Variants in PDE1C observed in about 807,000 individuals in gnomAD.
PDE1C encodes phosphodiesterase 1C, also known as dual specificity calcium/calmodulin-dependent 3',5'-cyclic nucleotide phosphodiesterase 1C.
PDE1C carries 62 observed loss-of-function variants against 93.1 expected under a neutral mutation model. The observed-to-expected ratio is 0.67, with a 90% CI of 0.54 to 0.82. PDE1C has a LOEUF of 0.82. PDE1C is among the 40% of genes least tolerant of loss of function. PDE1C has a pLI of 0.00. For missense variants in PDE1C, 742 were observed against 884.6 expected (o/e 0.84, Z 2.04); for synonymous variants, 325 against 310.1 (o/e 1.05, Z -0.50).
intron 2 of PDE1C, among the ~76,000 whole-genome samples, chr7:32,196,493 G>T (rs1218974229): frequency 6.7e-6 from 1 of 150,072 alleles, no homozygotes; most frequent in Admixed American, 6.7e-5. Context: ...GTTGTTTCTT[G>T]GGTCCCAAGT....
intron 17 of PDE1C, among the ~76,000 whole-genome samples, chr7:31,767,599 G>A (rs1186302888): frequency 6.6e-6 from 1 of 152,202 alleles, no homozygotes; most frequent in Non-Finnish European, 1.5e-5. Flanking sequence ...CTCAGTCTCA[G>A]GTAGTTCTTT....
At chr7:32,240,490 G>C (rs539478183) in intron 1 of PDE1C, among the ~76,000 whole-genome samples, 1 of 152,284 alleles carries the variant, frequency 6.6e-6, no homozygotes, top group African/African-American at 2.4e-5. Context: ...ATAAAGCAGG[G>C]TTAAGGGTAT....
chr7:31,687,892 A>T, the PDE1C span, among the ~76,000 whole-genome samples: 1 of 152,104 alleles, frequency 6.6e-6, no homozygotes, highest in Non-Finnish European at 1.5e-5. Context: ...ACTTTGGGGG[A>T]TATTCTTCAG....
chr7:31,815,942 C>T lies in PDE1C; in HGVS notation c.1795G>A (p.Gly599Arg). The T allele has an allele frequency of 6.2e-7, 1 of 1,612,736 alleles. No individual in the cohort carries two copies. The highest frequency in any genetic ancestry group is 1.3e-5 in the African/African-American group (1 of 75,008). ...GKNSKAEKSS[G>R]EQQQNGDFKD... is the part of the protein sequence containing the mutation. The stretch of plus-strand genomic sequence containing the variant: ...TACTCACCATTCTGTTGCTGTTCTC[C>T]TGATGACTTCTCGGCTTTGGAGTTT... Residue 599 changes from glycine to arginine, a missense_variant, in exon 15 of 18, where the codon GGA (glycine) becomes AGA (arginine). Gly to Arg is a moderately radical substitution (Grantham distance 125, BLOSUM62 -2). This residue lies in a region of PDE1C where 454 missense variants were observed against 459.4 expected (regional missense o/e 0.99). Transcript: ENST00000396191.
At chr7:32,229,416 C>T (rs1280161413) in intron 1 of PDE1C, among the ~76,000 whole-genome samples, 1 of 152,174 alleles carries the variant, frequency 6.6e-6, no homozygotes, top group African/African-American at 2.4e-5. Context: ...TCAGTAGGGG[C>T]ACCTTTTCCT....
chr7:31,905,093 A>G (rs1469200523), intron 2 of PDE1C, among the ~76,000 whole-genome samples: 1 of 152,160 alleles, frequency 6.6e-6, no homozygotes, highest in African/African-American at 2.4e-5. Context: ...TGAAATACCA[A>G]ATGATTAGTT....
intron 7 of PDE1C, among the ~76,000 whole-genome samples, chr7:31,859,786 G>A (rs916640008): frequency 1.3e-5 from 2 of 151,914 alleles, no homozygotes; most frequent in African/African-American, 4.8e-5. Context: ...TCAATTTACT[G>A]TTTATCTTTT....
chr7:32,041,138 T>A (rs982871016), intron 2 of PDE1C, among the ~76,000 whole-genome samples: 13 of 152,150 alleles, frequency 8.5e-5, no homozygotes, highest in Admixed American at 3.3e-4. Context: ...GTGCCTCACA[T>A]AGACTATTTC....
chr7:32,208,939 G>A lies in PDE1C; in HGVS notation c.136+550C>T, dbSNP rs577589852. Among the ~76,000 whole-genome samples the A allele has an allele frequency of 3.3e-5, 5 of 152,202 alleles. No individual in the cohort carries two copies. In the East Asian group the frequency reaches 5.8e-4, roughly 18 times the overall value. Reference sequence around the variant, plus strand: ...CCATTCAATCCATCTAAGCTTCAAAGTGTCACCAAACTGAGGAAAAGCCAG... The same window carrying A: ...CCATTCAATCCATCTAAGCTTCAAAATGTCACCAAACTGAGGAAAAGCCAG... On this transcript the variant is annotated intron_variant, in intron 2 of 18. Transcript: ENST00000396193.
intron 1 of PDE1C, among the ~76,000 whole-genome samples, chr7:32,296,480 G>A (rs1033494244): frequency 6.6e-6 from 1 of 152,194 alleles, no homozygotes; most frequent in East Asian, 1.9e-4. Context: ...GAAAGGGGGA[G>A]GGAAGAAGAA....
the PDE1C span, among the ~76,000 whole-genome samples, chr7:31,693,244 G>T: frequency 6.6e-6 from 1 of 152,134 alleles, no homozygotes; most frequent in African/African-American, 2.4e-5. Context: ...AAAGCAAATG[G>T]CTGTGCACTG....
intron 2 of PDE1C, among the ~76,000 whole-genome samples, chr7:31,906,497 A>C (rs771465508): frequency 3.5e-4 from 54 of 152,294 alleles, no homozygotes; most frequent in Non-Finnish European, 3.8e-4. Flanking sequence ...TGGTCTTGAT[A>C]CAGGATGATA....
chr7:32,115,092 G>T (rs552451888), intron 3 of PDE1C, among the ~76,000 whole-genome samples: 1 of 152,122 alleles, frequency 6.6e-6, no homozygotes, highest in African/African-American at 2.4e-5. Flanking sequence ...AATACCATTT[G>T]ACCCAGCAAT....
intron 2 of PDE1C, among the ~76,000 whole-genome samples, chr7:32,026,412 C>A (rs1169591904): frequency 6.6e-6 from 1 of 152,126 alleles, no homozygotes; most frequent in African/African-American, 2.4e-5. Flanking sequence ...ATACCTCGGT[C>A]CATTCTGCTG....
upstream of PDE1C, chr7:32,070,494 G>C (rs984851136): frequency 1.1e-4 from 166 of 1,558,112 alleles, no homozygotes; most frequent in Non-Finnish European, 1.4e-4. Flanking sequence ...GGCGCGGCGC[G>C]CGTTTGCCCG....
intron 1 of PDE1C, among the ~76,000 whole-genome samples, chr7:32,370,521 G>GCAAA (rs1469351671): frequency 3.3e-4 from 50 of 150,580 alleles, no homozygotes; most frequent in African/African-American, 1.2e-3. Context: ...ATCATTCTGA[G>GCAAA]CAAACTATCA....
At chr7:31,938,570 T>C (rs1268628333) in intron 2 of PDE1C, among the ~76,000 whole-genome samples, 1 of 152,164 alleles carries the variant, frequency 6.6e-6, no homozygotes, top group African/African-American at 2.4e-5. Flanking sequence ...TCTACCTCTA[T>C]TCAAAAACGA....
intron 15 of PDE1C, among the ~76,000 whole-genome samples, chr7:31,809,903 A>C (rs1322742313): frequency 1.2e-4 from 18 of 152,096 alleles, no homozygotes; most frequent in Non-Finnish European, 1.5e-5. Context: ...CATGTTCTTC[A>C]AGAGTAGCAT....
At chr7:32,195,579 C>T (rs1489222163) in intron 2 of PDE1C, among the ~76,000 whole-genome samples, 1 of 152,112 alleles carries the variant, frequency 6.6e-6, no homozygotes, top group East Asian at 1.9e-4. Flanking sequence ...AGGCTGGGTT[C>T]AGTGGCTTAT....
Sources: allele counts gnomAD v4.1 joint callset (sites outside exome capture counted in the v4.1 genomes callset), GRCh38; gene constraint gnomAD v4.1.1; regional missense constraint gnomAD v4.1.1; transcripts MANE v1.5; gene names NCBI Gene and HGNC (gene_info 2026-07-23, HGNC 2026-07-21).